Variants in MMP28 observed in about 807,000 individuals in gnomAD.
The protein encoded by MMP28 is matrix metalloproteinase-28.
A neutral mutation model predicts 60.5 loss-of-function variants in MMP28; 55 were observed. The observed-to-expected ratio is 0.91, with a 90% CI of 0.73 to 1.14. The LOEUF is 1.14. Ranked by LOEUF, MMP28 falls within the 50% of genes most tolerant of loss-of-function variation. MMP28 has a pLI of 0.00. For synonymous variants in MMP28, 318 were observed against 312.5 expected (o/e 1.02, Z -0.18); for missense variants, 686 against 738.3 (o/e 0.93, Z 0.82).
rs866268675 is a variant in MMP28 at position 35,769,951 on chromosome 17, G to A, written c.850+116C>T. On this transcript the variant is annotated intron_variant, in intron 5 of 7. Transcript: ENST00000605424. ...AGAATTGGGACGAATCGGCGACAGG[G>A]AGGCCAGATCTATGAGCTTAGGATG... 8 of 1,339,162 alleles carry A rather than the reference G, an allele frequency of 6.0e-6. No individual in the cohort carries two copies. The South Asian group carries it at 9.4e-5, about 16-fold the overall frequency. The allele number at this position is 1,339,162 out of a possible 1,614,324, so 83.0% of individuals were successfully genotyped here. A position where few individuals can be genotyped will look rare whatever the true frequency, so the allele number is the denominator to read the frequency against.
In MMP28 at chr17:35,770,379, C is replaced by G. The variant is rs750820341; in HGVS notation, c.605-67G>C. On this transcript the variant is annotated intron_variant, in intron 4 of 7. Coordinates refer to ENST00000605424, the MANE Select transcript of MMP28 (RefSeq NM_024302.5). ...ACGCCCCCAGGTACTCGCGGCCCAG[C>G]GCAAATGCCACTGGGGTGTGTGTGG... 5 of 1,437,476 alleles carry G rather than the reference C, an allele frequency of 3.5e-6. No individual in the cohort carries two copies. In the Admixed American group the frequency reaches 1.1e-4, roughly 32 times the overall value. 89.0% of individuals were successfully genotyped at this position (1,437,476 alleles called of 1,614,324 possible).
At position 35,766,875 on chromosome 17, in the gene MMP28, G is replaced by A. The variant is rs867843045; in HGVS notation, c.1188C>T (p.Phe396=). Reference sequence around the variant, plus strand: ...GACCCCACACTGGCTTGGGGCCCCGGAACCTCCAGCATCGACCCCCTGTGG... The same window carrying A: ...GACCCCACACTGGCTTGGGGCCCCGAAACCTCCAGCATCGACCCCCTGTGG... The part of the protein sequence containing the change: ...YFFKGGRCWR[F]RGPKPVWGLP... The change falls in exon 8 of 8, where the codon TTC becomes TTT. Residue 396 remains phenylalanine (F), a synonymous_variant. Coordinates refer to ENST00000605424, the MANE Select transcript of MMP28 (RefSeq NM_024302.5). The surrounding 1 kb of genome is among the most constrained non-coding windows in gnomAD (Gnocchi z 4.3). 6.3e-7 allele frequency: 1 copy of A among 1,578,764 alleles called. No homozygotes were observed. The highest frequency in any genetic ancestry group is 8.6e-7 in the Non-Finnish European group (1 of 1,163,260).
At position 35,795,389 on chromosome 17, in the gene MMP28, C is replaced by T. The variant is rs999326830; in HGVS notation, c.-12G>A. 3.6e-6 allele frequency: 5 copies of T among 1,406,720 alleles called. No homozygotes were observed. Among genetic ancestry groups the T allele is most frequent in the African/African-American group, 3.0e-5 (2 of 66,654 alleles). 87.1% of individuals were successfully genotyped at this position (1,406,720 alleles called of 1,614,324 possible). On this transcript the variant is annotated 5_prime_UTR_variant, in exon 1 of 8. Coordinates refer to ENST00000605424, the MANE Select transcript of MMP28 (RefSeq NM_024302.5). ...ACGCGCGCGACCATCTCGCCGCCTC[C>T]GGTGCAGCCCGGCTCGGGGAGCTAC...
In MMP28 at chr17:35,766,745, C is replaced by A; in HGVS notation, c.1318G>T (p.Val440Leu). The change falls in exon 8 of 8, where the codon GTG becomes TTG. Residue 440 changes from valine (V) to leucine (L), a missense_variant. By Grantham distance (32) the Val-to-Leu change is conservative (BLOSUM62 1). Transcript: ENST00000605424. This position sits in a 1 kb window ranked among gnomAD's most constrained non-coding sequence, Gnocchi z 4.3. ...LILFKGARYY[V>L]LARGGLQVEP... ...ACTTGCAGTCCCCCTCGGGCCAGCA[C>A]GTAGTAGCGGGCACCCTTGAAGAGG... 1.9e-6 allele frequency: 3 copies of A among 1,587,578 alleles called. No individual in the cohort carries two copies. The highest frequency in any genetic ancestry group is 2.6e-6 in the Non-Finnish European group (3 of 1,167,850).
chr17:35,793,118 C>A (rs998164488), intron 1 of MMP28, among the ~76,000 whole-genome samples: 5 of 152,182 alleles, frequency 3.3e-5, no homozygotes, highest in Admixed American at 2.0e-4. Flanking sequence ...CACGTACACA[C>A]CCATTACACA....
At chr17:35,764,342 C>A, downstream of MMP28, 5 of 1,462,236 alleles carry the variant, frequency 3.4e-6, no homozygotes, top group South Asian at 4.2e-5. Context: ...GCGCGCTCCT[C>A]GACCGGGGCA....
downstream of MMP28, chr17:35,763,965 T>C (rs2085878690): frequency 7.2e-7 from 1 of 1,395,660 alleles, no homozygotes; most frequent in Non-Finnish European, 9.3e-7. Context: ...GGACCCTTTC[T>C]CGGGGACAGC....
intron 1 of MMP28, among the ~76,000 whole-genome samples, chr17:35,792,599 T>G (rs1598489192): frequency 1.3e-5 from 2 of 152,362 alleles, no homozygotes; most frequent in Non-Finnish European, 2.9e-5. Flanking sequence ...TAATTTGTAA[T>G]GTAGTCATAG....
At chr17:35,778,027 T>TA (rs1003175977) in intron 3 of MMP28, among the ~76,000 whole-genome samples, 3 of 152,050 alleles carry the variant, frequency 2.0e-5, no homozygotes, top group Admixed American at 6.6e-5. Context: ...ACTCTGTCTT[T>TA]AAAAAAAATT....
intron 2 of MMP28, among the ~76,000 whole-genome samples, chr17:35,756,753 C>T (rs1399318104): frequency 6.6e-6 from 1 of 151,762 alleles, no homozygotes; most frequent in Admixed American, 6.6e-5. Flanking sequence ...CAGGCGTGAG[C>T]CACTGCGCCC....
At chr17:35,785,800 T>C (rs1555610328) in intron 1 of MMP28, among the ~76,000 whole-genome samples, 2 of 152,192 alleles carry the variant, frequency 1.3e-5, no homozygotes, top group African/African-American at 4.8e-5. Context: ...TCCGTTATTC[T>C]ATCCCTGCTT....
At chr17:35,772,595 T>C (rs1483237378) in intron 4 of MMP28, among the ~76,000 whole-genome samples, 2 of 152,170 alleles carry the variant, frequency 1.3e-5, no homozygotes, top group Non-Finnish European at 2.9e-5. Context: ...GGAGGGGAAA[T>C]GTGCAAACAG....
intron 1 of MMP28, among the ~76,000 whole-genome samples, chr17:35,784,608 G>A (rs1001763837): frequency 2.0e-5 from 3 of 152,148 alleles, no homozygotes; most frequent in African/African-American, 7.2e-5. Context: ...AAGGAGCAGG[G>A]GTGTGGGGTC....
chr17:35,768,057 G>T, intron 6 of MMP28, 138 bp from the exon 7 acceptor site: 1 of 1,293,328 alleles, frequency 7.7e-7, no homozygotes, highest in Non-Finnish European at 1.1e-6. Flanking sequence ...AGAGGGGAAA[G>T]TGGGCAGGAA....
chr17:35,782,932 T>C (rs2086548144), intron 1 of MMP28, among the ~76,000 whole-genome samples: 1 of 152,194 alleles, frequency 6.6e-6, no homozygotes, highest in South Asian at 2.1e-4. Context: ...GTTCACGCCA[T>C]TCTCCTGCCT....
rs1555603090 is a variant in MMP28, at chr17:35,766,296, A to AC, written c.*203dup. On this transcript the variant is annotated 3_prime_UTR_variant, in exon 8 of 8. Coordinates refer to ENST00000605424, the MANE Select transcript of MMP28 (RefSeq NM_024302.5). The surrounding 1 kb of genome is among the most constrained non-coding windows in gnomAD (Gnocchi z 4.3). ...TTTTGCTTTTCCTAAGATTGATCCC[A>AC]CCCCCACCTCCATGTGGTGGGGACA... is the stretch of plus-strand genomic sequence containing the variant. 1.5e-6 allele frequency: 2 copies of AC among 1,354,624 alleles called. No individual in the cohort carries two copies. Among genetic ancestry groups the AC allele is most frequent in the African/African-American group, 1.5e-5 (1 of 68,606 alleles). The allele number at this position is 1,354,624 out of a possible 1,614,324, so 83.9% of individuals were successfully genotyped here.
At chr17:35,769,290 T>G (rs962016007) in intron 5 of MMP28, among the ~76,000 whole-genome samples, 4 of 152,200 alleles carry the variant, frequency 2.6e-5, no homozygotes, top group African/African-American at 9.7e-5. Flanking sequence ...GCTGTTAGTA[T>G]TACAGGGTAT....
chr17:35,795,213 T>C, intron 1 of MMP28, 54 bp downstream of exon 1: 2 of 1,252,034 alleles, frequency 1.6e-6, no homozygotes, highest in South Asian at 4.1e-5. Flanking sequence ...GACTGCCGAG[T>C]TCTGACAGGT....
intron 2 of MMP28, among the ~76,000 whole-genome samples, chr17:35,758,980 G>C (rs2085771333): frequency 6.6e-6 from 1 of 152,150 alleles, no homozygotes. Flanking sequence ...TGCCTGCCAG[G>C]GGCATTAAAT....
Sources: gnomAD v4.1 joint callset for allele counts (sites outside exome capture counted in the v4.1 genomes callset) on GRCh38, gnomAD v4.1.1 for gene constraint, Gnocchi (gnomAD v3.1) non-coding constraint, MANE v1.5 for transcripts, NCBI Gene and HGNC (gene_info 2026-07-23, HGNC 2026-07-21) for gene names.